The following FBXO11 variants were observed in gnomAD, a reference collection of about 807,000 sequenced individuals.
The protein encoded by FBXO11 is F-box protein 11.
A neutral mutation model predicts 117.0 loss-of-function variants in FBXO11; 13 were observed. The ratio of observed to expected loss-of-function variants is 0.11; its 90% CI spans 0.07 to 0.18. The LOEUF is 0.18. Ranked by LOEUF, FBXO11 falls within the 10% of genes least tolerant of loss-of-function variation. The pLI, the probability that FBXO11 is intolerant of heterozygous loss-of-function variation, is 1.00. For missense variants in FBXO11, 767 were observed against 1,164.4 expected (o/e 0.66, Z 4.97); for synonymous variants, 490 against 380.5 (o/e 1.29, Z -3.35).
At chr2:47,870,372 C>A (rs1267667335) in intron 1 of FBXO11, among the ~76,000 whole-genome samples, 1 of 152,068 alleles carries the variant, frequency 6.6e-6, no homozygotes, top group Non-Finnish European at 1.5e-5. Context: ...ATGTCCTAAT[C>A]CCTGATACCT....
At chr2:47,863,732 G>A (rs74413392) in intron 1 of FBXO11, among the ~76,000 whole-genome samples, 1 of 152,154 alleles carries the variant, frequency 6.6e-6, no homozygotes, top group Non-Finnish European at 1.5e-5. Flanking sequence ...CTTGAAGTCA[G>A]GAGTTTGAGA....
At chr2:47,863,452 AATCAAATC>A (rs1267907209) in intron 1 of FBXO11, among the ~76,000 whole-genome samples, 3 of 152,328 alleles carry the variant, frequency 2.0e-5, no homozygotes, top group African/African-American at 7.2e-5. Context: ...CGAAACCTAT[AATCAAATC>A]ATAAAGGCAT....
intron 1 of FBXO11, among the ~76,000 whole-genome samples, chr2:47,904,326 A>G (rs1370295309): frequency 6.6e-6 from 1 of 152,130 alleles, no homozygotes; most frequent in South Asian, 2.1e-4. Context: ...GACCTCTACC[A>G]CTACTGCGAA....
intron 1 of FBXO11, among the ~76,000 whole-genome samples, chr2:47,862,717 T>C (rs922748646): frequency 2.6e-5 from 4 of 152,146 alleles, no homozygotes; most frequent in East Asian, 1.9e-4. Context: ...ATAATAACTA[T>C]AACAAATCTA....
chr2:47,822,694 T>G (rs1671474717), intron 12 of FBXO11, among the ~76,000 whole-genome samples: 1 of 152,218 alleles, frequency 6.6e-6, no homozygotes, highest in African/African-American at 2.4e-5. Flanking sequence ...TTTGGCTTAT[T>G]AAGGGAAAAT....
chr2:47,905,241 GC>G, intron 1 of FBXO11: 1 of 256,598 alleles, frequency 3.9e-6, no homozygotes, highest in Non-Finnish European at 7.2e-6. Flanking sequence ...AGGGTGCTGA[GC>G]CCCCGAAACC....
At chr2:47,893,381 A>C (rs2103995119) in intron 1 of FBXO11, among the ~76,000 whole-genome samples, 1 of 152,244 alleles carries the variant, frequency 6.6e-6, no homozygotes, top group East Asian at 1.9e-4. Context: ...CACATACTGG[A>C]GATATAAGGA....
intron 16 of FBXO11, among the ~76,000 whole-genome samples, chr2:47,817,107 G>T (rs973958799): frequency 2.0e-5 from 3 of 152,186 alleles, no homozygotes; most frequent in Non-Finnish European, 4.4e-5. Flanking sequence ...CTTCAACAAT[G>T]ATCTTAGCTA....
chr2:47,863,353 T>C (rs1396724628), intron 1 of FBXO11, among the ~76,000 whole-genome samples: 1 of 152,152 alleles, frequency 6.6e-6, no homozygotes, highest in Non-Finnish European at 1.5e-5. Context: ...AGAAACAGAA[T>C]TAAATAAAAA....
At chr2:47,818,673 A>G (rs1369188162) in intron 16 of FBXO11, 106 bp downstream of exon 16, 7 of 727,272 alleles carry the variant, frequency 9.6e-6, no homozygotes, top group Non-Finnish European at 1.6e-5. Context: ...ATATATATAC[A>G]ATAGGGGGAT....
intron 1 of FBXO11, among the ~76,000 whole-genome samples, chr2:47,858,681 C>CAAAA (rs902232765): frequency 5.9e-4 from 40 of 67,474 alleles, no homozygotes; most frequent in Non-Finnish European, 7.8e-4. Context: ...GACTCTGCCT[C>CAAAA]AAAAAAAAAA....
chr2:47,809,444 C>A, intron 20 of FBXO11, 156 bp downstream of exon 20: 1 of 693,880 alleles, frequency 1.4e-6, no homozygotes, highest in Non-Finnish European at 2.4e-6. Flanking sequence ...ATAAGATACT[C>A]CAACCATTTA....
chr2:47,896,772 T>C (rs957590784), intron 1 of FBXO11, among the ~76,000 whole-genome samples: 3 of 152,244 alleles, frequency 2.0e-5, no homozygotes, highest in African/African-American at 4.8e-5. Context: ...AAGTGTGAAG[T>C]AGTATAGTGG....
chr2:47,831,156 C>T (rs968644447), intron 11 of FBXO11, among the ~76,000 whole-genome samples: 4 of 151,742 alleles, frequency 2.6e-5, no homozygotes, highest in African/African-American at 9.7e-5. Flanking sequence ...GTGGCTCATG[C>T]CTGTAATCCC....
At chr2:47,814,155 A>C (rs1572766793) in intron 16 of FBXO11, 2 of 295,074 alleles carry the variant, frequency 6.8e-6, no homozygotes, top group East Asian at 1.4e-4. Context: ...TGAAGGACTG[A>C]ATTACAGGCA....
At chr2:47,817,075 G>A (rs2104689287) in intron 16 of FBXO11, among the ~76,000 whole-genome samples, 1 of 152,324 alleles carries the variant, frequency 6.6e-6, no homozygotes, top group East Asian at 1.9e-4. Context: ...AGTCTACACT[G>A]AAATCTGTTT....
chr2:47,836,105 A>G (rs1672538831), intron 4 of FBXO11, 104 bp from the exon 5 acceptor site: 1 of 717,754 alleles, frequency 1.4e-6, no homozygotes, highest in South Asian at 2.3e-5. Flanking sequence ...AACTTGAGTA[A>G]GAAAGTAAGA....
intron 1 of FBXO11, among the ~76,000 whole-genome samples, chr2:47,896,265 A>G (rs558008616): frequency 1.3e-5 from 2 of 151,850 alleles, no homozygotes; most frequent in Non-Finnish European, 2.9e-5. Context: ...CCCCTCCCCC[A>G]ATACTTTATT....
intron 1 of FBXO11, among the ~76,000 whole-genome samples, chr2:47,870,911 A>C (rs1675576202): frequency 6.6e-6 from 1 of 152,232 alleles, no homozygotes; most frequent in Admixed American, 6.5e-5. Context: ...GAGATGTCTA[A>C]AAATGAAATT....
Sources: gnomAD v4.1 joint callset for allele counts (sites outside exome capture counted in the v4.1 genomes callset) on GRCh38, gnomAD v4.1.1 for gene constraint, MANE v1.5 for transcripts, NCBI Gene and HGNC (gene_info 2026-07-23, HGNC 2026-07-21) for gene names.